KPNA5: variants seen among roughly 807,000 people sequenced by gnomAD.
KPNA5 encodes karyopherin subunit alpha 5.
Under a neutral mutation model 71.3 loss-of-function variants are expected in KPNA5, and 46 were observed. The ratio of observed to expected loss-of-function variants is 0.65; its 90% CI spans 0.51 to 0.83. The LOEUF is 0.83. KPNA5 is among the 40% of genes least tolerant of loss of function. The pLI is 0.00. For missense variants in KPNA5, 547 were observed against 628.3 expected (o/e 0.87, Z 1.38); for synonymous variants, 207 against 201.4 (o/e 1.03, Z -0.24).
At chr6:116,685,497 C>T (rs531418970) in intron 1 of KPNA5, among the ~76,000 whole-genome samples, 1 of 152,306 alleles carries the variant, frequency 6.6e-6, no homozygotes, top group Admixed American at 6.5e-5. Context: ...TCCATGTGTT[C>T]TCCTCATTTA....
intron 7 of KPNA5, among the ~76,000 whole-genome samples, chr6:116,715,261 C>A (rs1026789741): frequency 6.6e-6 from 1 of 151,944 alleles, no homozygotes; most frequent in Admixed American, 6.6e-5. Context: ...AAATTGCATG[C>A]CAAATTTTGA....
At chr6:116,717,805 T>G (rs1778944601) in intron 8 of KPNA5, among the ~76,000 whole-genome samples, 1 of 152,126 alleles carries the variant, frequency 6.6e-6, no homozygotes, top group Non-Finnish European at 1.5e-5. Flanking sequence ...CTCCTTACAC[T>G]TGGGAGGTGA....
At position 116,726,538 on chromosome 6, in the gene KPNA5, T is replaced by C; in HGVS notation, c.1169T>C (p.Leu390Pro). ...ATTTTTCCTGTTTTGATTGAGATTCTTCAGAAAGCAGAGTTTCGTACCAGA... is the reference window on the plus strand; with the variant it reads ...ATTTTTCCTGTTTTGATTGAGATTCCTCAGAAAGCAGAGTTTCGTACCAGA... ...ANIFPVLIEI[L>P]QKAEFRTRKE... Residue 390 changes from leucine to proline, a missense_variant, in exon 12 of 14, where the codon CTT (leucine) becomes CCT (proline). Leu to Pro is a moderately conservative substitution (Grantham distance 98). Transcript: ENST00000368564. The C allele has an allele frequency of 6.2e-7, 1 of 1,612,410 alleles. No homozygotes were observed. The highest frequency in any genetic ancestry group is 8.5e-7 in the Non-Finnish European group (1 of 1,178,946).
At chr6:116,693,207 T>G (rs1006969195) in intron 4 of KPNA5, among the ~76,000 whole-genome samples, 1 of 152,220 alleles carries the variant, frequency 6.6e-6, no homozygotes, top group African/African-American at 2.4e-5. Flanking sequence ...CGTGTGCATG[T>G]GTCTTTACAG....
chr6:116,682,342 G>A (rs879779507), intron 1 of KPNA5, among the ~76,000 whole-genome samples: 1 of 150,534 alleles, frequency 6.6e-6, no homozygotes, highest in Admixed American at 6.6e-5. Context: ...ACAAACAAAA[G>A]AATATGACAC....
rs200533053 is a variant in KPNA5 at position 116,726,595 on chromosome 6, C to T, written c.1226C>T (p.Thr409Ile). The T allele has an allele frequency of 6.2e-5, 100 of 1,611,412 alleles. No individual in the cohort carries two copies. In the East Asian group the frequency reaches 2.2e-3, roughly 35 times the overall value. The change falls in exon 12 of 14, where the codon ACA (threonine) becomes ATA (isoleucine). Residue 409 changes from threonine to isoleucine, a missense_variant. Coordinates refer to ENST00000368564, the MANE Select transcript of KPNA5 (RefSeq NM_001366306.2). ...GCAGCTTGGGCTATAACTAATGCAA[C>T]ATCAGGAGGTACTCCAGAGCAAATA... ...KEAAWAITNA[T>I]SGGTPEQIRY...
chr6:116,724,263 C>CG, intron 9 of KPNA5, 34 bp from the exon 10 acceptor site: 1 of 1,372,528 alleles, frequency 7.3e-7, no homozygotes, highest in Non-Finnish European at 1.0e-6. Context: ...TAAATTCTTA[C>CG]TAGTATTTAG....
At chr6:116,731,498 T>C (rs1203659192) in intron 13 of KPNA5, among the ~76,000 whole-genome samples, 1 of 152,156 alleles carries the variant, frequency 6.6e-6, no homozygotes, top group Non-Finnish European at 1.5e-5. Flanking sequence ...GAAATGTATT[T>C]TCAGCACTAC....
intron 1 of KPNA5, among the ~76,000 whole-genome samples, chr6:116,682,208 A>G (rs948869630): frequency 2.0e-5 from 3 of 152,198 alleles, no homozygotes; most frequent in African/African-American, 7.2e-5. Flanking sequence ...GGGCGCCTGT[A>G]GTCCCAGCGA....
At chr6:116,719,241 A>G (rs1272750713) in intron 8 of KPNA5, among the ~76,000 whole-genome samples, 3 of 151,994 alleles carry the variant, frequency 2.0e-5, no homozygotes, top group African/African-American at 7.3e-5. Flanking sequence ...GTTTTTTGGC[A>G]TCTTTGTTTC....
At chr6:116,681,392 T>A (rs1562421669) in intron 1 of KPNA5, 54 bp downstream of exon 1, 1 of 1,522,934 alleles carries the variant, frequency 6.6e-7, no homozygotes, top group African/African-American at 1.4e-5. Context: ...TTGGTCCCTT[T>A]GGGAACTACT....
intron 12 of KPNA5, 80 bp from the exon 13 acceptor site, chr6:116,729,483 T>G: frequency 1.2e-6 from 1 of 853,244 alleles, no homozygotes; most frequent in Non-Finnish European, 1.6e-6. Flanking sequence ...AAAAATATTT[T>G]TGTGTCATTG....
intron 6 of KPNA5, among the ~76,000 whole-genome samples, chr6:116,703,215 C>A: frequency 6.6e-6 from 1 of 151,334 alleles, no homozygotes; most frequent in East Asian, 1.9e-4. Context: ...TCTTTATGTA[C>A]CTTTTGATTA....
chr6:116,690,792 A>C (rs1462378582), intron 2 of KPNA5, among the ~76,000 whole-genome samples: 3 of 152,186 alleles, frequency 2.0e-5, no homozygotes, highest in Admixed American at 6.5e-5. Context: ...ACTGATGCTC[A>C]GGTCCTTTAT....
rs1451171009 is a variant in KPNA5, at chr6:116,729,624, A to G, written c.1315A>G (p.Lys439Glu). ...TGATCTTTTGACTGTTATGGACTCCAAAATAGTCCAAGTGGCTTTAAATGG... is the reference window on the plus strand; with the variant it reads ...TGATCTTTTGACTGTTATGGACTCCGAAATAGTCCAAGTGGCTTTAAATGG... Reference protein sequence around the residue: ...LCDLLTVMDSKIVQVALNGLE... With the variant: ...LCDLLTVMDSEIVQVALNGLE... Residue 439 changes from lysine (K) to glutamate (E), a missense_variant, in exon 13 of 14, where the codon AAA (lysine) becomes GAA (glutamate). Coordinates refer to ENST00000368564, the MANE Select transcript of KPNA5 (RefSeq NM_001366306.2). The G allele has an allele frequency of 6.2e-7, 1 of 1,609,358 alleles. No individual in the cohort carries two copies. Among genetic ancestry groups the G allele is most frequent in the Non-Finnish European group, 8.5e-7 (1 of 1,177,526 alleles).
At chr6:116,716,729 G>C (rs1412029481) in intron 8 of KPNA5, among the ~76,000 whole-genome samples, 6 of 152,120 alleles carry the variant, frequency 3.9e-5, no homozygotes, top group South Asian at 2.1e-4. Flanking sequence ...TAGAAATACA[G>C]ATGATTAATT....
intron 4 of KPNA5, among the ~76,000 whole-genome samples, chr6:116,693,081 C>A (rs928289889): frequency 3.3e-5 from 5 of 152,200 alleles, no homozygotes; most frequent in African/African-American, 1.2e-4. Flanking sequence ...TTTTTTATGG[C>A]TGCATAGTGT....
chr6:116,721,505 T>C (rs1346477956), intron 8 of KPNA5, among the ~76,000 whole-genome samples: 2 of 152,054 alleles, frequency 1.3e-5, no homozygotes, highest in African/African-American at 2.4e-5. Context: ...AGGTTGCTTA[T>C]TTTAAAAAAA....
intron 6 of KPNA5, among the ~76,000 whole-genome samples, chr6:116,702,576 C>T (rs1778271502): frequency 6.6e-6 from 1 of 151,954 alleles, no homozygotes; most frequent in Non-Finnish European, 1.5e-5. Flanking sequence ...AGCTGAGGCA[C>T]AAGAATTCCT....
Sources: allele counts gnomAD v4.1 joint callset (sites outside exome capture counted in the v4.1 genomes callset), GRCh38; gene constraint gnomAD v4.1.1; transcripts MANE v1.5; gene names NCBI Gene and HGNC (gene_info 2026-07-23, HGNC 2026-07-21).